FANCI: variants seen among roughly 807,000 people sequenced by gnomAD.
The protein encoded by FANCI is FA complementation group I.
A neutral mutation model predicts 176.1 loss-of-function variants in FANCI; 156 were observed. The ratio of observed to expected loss-of-function variants is 0.89; its 90% CI spans 0.78 to 1.01. The LOEUF (loss-of-function observed/expected upper bound fraction) is 1.01. Among genes scored for constraint, FANCI ranks in the 50% least tolerant of loss-of-function variants. FANCI has a pLI of 0.00. For missense variants in FANCI, 1,678 were observed against 1,534.1 expected (o/e 1.09, Z -1.57); for synonymous variants, 613 against 541.7 (o/e 1.13, Z -1.83).
At chr15:89,294,243 G>C (rs1361320461) in intron 23 of FANCI, among the ~76,000 whole-genome samples, 1 of 152,174 alleles carries the variant, frequency 6.6e-6, no homozygotes, top group African/African-American at 2.4e-5. Flanking sequence ...CCAGCAGGGT[G>C]TTTTAAGAAA....
intron 36 of FANCI, 106 bp downstream of exon 36, chr15:89,314,813 T>A (rs1373127230): frequency 6.5e-6 from 5 of 765,964 alleles, no homozygotes; most frequent in Admixed American, 2.1e-5. Context: ...TCTGGGCCAT[T>A]TGTGTGTTTG....
Position 89,285,141 on chromosome 15 carries a change from A to G in FANCI, c.1744A>G (p.Thr582Ala). Reference protein sequence around the residue: ...HSHYNSVANETFCLEIMDSLR... With the variant: ...HSHYNSVANEAFCLEIMDSLR... ...CCATTACAATTCTGTCGCCAATGAA[A>G]CTTTTTGCCTTGAGATCATGGATAG... Residue 582 changes from threonine to alanine, a missense_variant, in exon 18 of 38, where the codon ACT becomes GCT. Physicochemically the swap from Thr to Ala is moderately conservative, Grantham distance 58 (BLOSUM62 0). This residue lies in a region of FANCI where 1,204 missense variants were observed against 1,077.4 expected (regional missense o/e 1.12). Transcript: ENST00000310775. 6.2e-7 allele frequency: 1 copy of G among 1,614,168 alleles called. No individual in the cohort carries two copies. Among genetic ancestry groups the G allele is most frequent in the Non-Finnish European group, 8.5e-7 (1 of 1,180,018 alleles).
intron 12 of FANCI, 146 bp from the exon 13 acceptor site, chr15:89,276,565 G>A: frequency 1.2e-6 from 1 of 827,190 alleles, no homozygotes; most frequent in Non-Finnish European, 1.9e-6. Flanking sequence ...AATTCTGTCA[G>A]ACGATGTGTG....
At chr15:89,282,176 G>A (rs572797833) in intron 16 of FANCI, 1 of 345,674 alleles carries the variant, frequency 2.9e-6, no homozygotes, top group South Asian at 2.5e-5. Context: ...GTGATGTCAA[G>A]TACTTTGCTC....
chr15:89,300,231 T>G (rs2054476987), intron 25 of FANCI, 69 bp from the exon 26 acceptor site: 1 of 1,470,240 alleles, frequency 6.8e-7, no homozygotes, highest in African/African-American at 1.4e-5. Context: ...TTCAAAAATT[T>G]TAGCTATTAA....
At chr15:89,309,052 C>G (rs2054847483) in intron 34 of FANCI, among the ~76,000 whole-genome samples, 3 of 152,090 alleles carry the variant, frequency 2.0e-5, no homozygotes, top group African/African-American at 7.2e-5. Flanking sequence ...GTCACCTTGC[C>G]TTTGTATCAG....
chr15:89,299,690 G>C, intron 24 of FANCI, 110 bp from the exon 25 acceptor site: 2 of 1,123,982 alleles, frequency 1.8e-6, no homozygotes, highest in Non-Finnish European at 2.6e-6. Context: ...AACCATGTAA[G>C]TTTTTTTAAA....
chr15:89,248,477 T>C (rs1410172262), intron 2 of FANCI, among the ~76,000 whole-genome samples: 1 of 152,240 alleles, frequency 6.6e-6, no homozygotes, highest in Non-Finnish European at 1.5e-5. Flanking sequence ...TCTTAGTGTG[T>C]GTTATCTGAC....
chr15:89,246,603 T>C (rs2051983643), intron 1 of FANCI, among the ~76,000 whole-genome samples: 1 of 152,152 alleles, frequency 6.6e-6, no homozygotes, highest in Non-Finnish European at 1.5e-5. Flanking sequence ...CATGATACCC[T>C]TCTCCATAAT....
chr15:89,284,894 A>G (rs973656122), intron 17 of FANCI, among the ~76,000 whole-genome samples: 5 of 152,252 alleles, frequency 3.3e-5, no homozygotes, highest in African/African-American at 1.2e-4. Flanking sequence ...TTTTGTTAAA[A>G]TGCTTAAAAA....
At chr15:89,265,930 T>A (rs1479212533) in intron 9 of FANCI, among the ~76,000 whole-genome samples, 1 of 152,100 alleles carries the variant, frequency 6.6e-6, no homozygotes, top group African/African-American at 2.4e-5. Flanking sequence ...TTTATGGATA[T>A]GGAAATCGAG....
intron 10 of FANCI, among the ~76,000 whole-genome samples, chr15:89,270,128 T>C (rs927970675): frequency 2.6e-5 from 4 of 152,078 alleles, no homozygotes; most frequent in East Asian, 1.9e-4. Flanking sequence ...ATTTTTTTTT[T>C]CCCCCAACCA....
chr15:89,305,831 A>G, intron 31 of FANCI, 133 bp downstream of exon 31: 2 of 1,135,140 alleles, frequency 1.8e-6, no homozygotes, highest in Non-Finnish European at 2.6e-6. Flanking sequence ...TTCCTATGTG[A>G]TGAAAGAAGT....
intron 34 of FANCI, chr15:89,308,313 A>C: frequency 3.0e-6 from 1 of 330,534 alleles, no homozygotes; most frequent in Non-Finnish European, 4.3e-6. Flanking sequence ...ACAGCCAAAA[A>C]TGTCTCCAGA....
chr15:89,286,683 A>G (rs2053828985), intron 18 of FANCI, among the ~76,000 whole-genome samples: 1 of 152,156 alleles, frequency 6.6e-6, no homozygotes, highest in Non-Finnish European at 1.5e-5. Flanking sequence ...TAGATGTAGC[A>G]TAATTCTTAA....
In FANCI at chr15:89,246,763, C is replaced by CTTT. The variant is rs35104299; in HGVS notation, c.-19-848_-19-846dup. Among the ~76,000 whole-genome samples the CTTT allele has an allele frequency of 7.4e-3, 843 of 113,930 alleles. 28 individuals are homozygous for CTTT. Among genetic ancestry groups the CTTT allele is most frequent in the African/African-American group, 0.011 (329 of 29,584 alleles). 74.7% of individuals were successfully genotyped at this position (113,930 alleles called of 152,430 possible). A position where few individuals can be genotyped will look rare whatever the true frequency, so the allele number is the denominator to read the frequency against. On this transcript the variant is annotated intron_variant, in intron 1 of 37. Coordinates refer to ENST00000310775, the MANE Select transcript of FANCI (RefSeq NM_001113378.2). ...CTTTTCTTTCTTTCTTTCTTCCTTT[C>CTTT]TTTTTTTTTTTTTTTTTTTTGAGAC...
In FANCI at chr15:89,285,225, C is replaced by G. The variant is rs2053768472; in HGVS notation, c.1821+7C>G. 1.2e-6 allele frequency: 2 copies of G among 1,613,804 alleles called. No homozygotes were observed. The highest frequency in any genetic ancestry group is 1.7e-6 in the Non-Finnish European group (2 of 1,179,930). On this transcript the variant is annotated splice_region_variant and intron_variant, in intron 18 of 37. Coordinates refer to ENST00000310775, the MANE Select transcript of FANCI (RefSeq NM_001113378.2). ...TCGACTCATGCTTTATGAGGTAAGT[C>G]CGTAGAATGGAAAGAATGTAGCAAA...
At chr15:89,279,979 C>G (rs16942943) in intron 14 of FANCI, among the ~76,000 whole-genome samples, 7,624 of 152,228 alleles carry the variant, frequency 0.05, 610 homozygotes, top group African/African-American at 0.17. Context: ...CACCTTATGA[C>G]TACAGAATCA....
intron 18 of FANCI, among the ~76,000 whole-genome samples, chr15:89,286,851 A>G (rs2053835203): frequency 6.6e-6 from 1 of 152,182 alleles, no homozygotes; most frequent in Non-Finnish European, 1.5e-5. Context: ...TTCTTCCAAT[A>G]TAAGGCTATT....
Sources: gnomAD v4.1 joint callset for allele counts (sites outside exome capture counted in the v4.1 genomes callset) on GRCh38, gnomAD v4.1.1 for gene constraint, gnomAD v4.1.1 regional missense constraint, MANE v1.5 for transcripts, NCBI Gene and HGNC (gene_info 2026-07-23, HGNC 2026-07-21) for gene names.